Variants in SYNE1 observed in about 807,000 individuals in gnomAD.
SYNE1 encodes the protein nesprin-1.
SYNE1 carries 616 observed loss-of-function variants against 1,111.0 expected under a neutral mutation model. That is an observed-to-expected ratio of 0.55 (90% CI 0.52 to 0.59). The LOEUF is 0.59. SYNE1 is among the 20% of genes least tolerant of loss of function. The pLI, the probability that SYNE1 is intolerant of heterozygous loss-of-function variation, is 0.00. For synonymous variants in SYNE1, 3,855 were observed against 3,825.8 expected (o/e 1.01, Z -0.28); for missense variants, 10,006 against 10,417.0 (o/e 0.96, Z 1.72).
chr6:152,350,922 GATTT>G, intron 70 of SYNE1, 152 bp from the exon 71 acceptor site: 1 of 913,920 alleles, frequency 1.1e-6, no homozygotes. Context: ...AAGAGAGAGT[GATTT>G]ATTAAGACGA....
At chr6:152,171,868 T>C (rs1376839697) in intron 130 of SYNE1, among the ~76,000 whole-genome samples, 1 of 152,176 alleles carries the variant, frequency 6.6e-6, no homozygotes, top group Non-Finnish European at 1.5e-5. Flanking sequence ...CAACAGAGAC[T>C]ATTTGGCCCA....
intron 87 of SYNE1, among the ~76,000 whole-genome samples, chr6:152,311,734 G>A (rs1030607656): frequency 6.6e-6 from 1 of 152,092 alleles, no homozygotes; most frequent in Non-Finnish European, 1.5e-5. Context: ...TGTGTAAAGA[G>A]GAGAAATGAG....
At chr6:152,291,825 CT>C (rs1280863789) in intron 95 of SYNE1, among the ~76,000 whole-genome samples, 1 of 152,190 alleles carries the variant, frequency 6.6e-6, no homozygotes, top group Non-Finnish European at 1.5e-5. Context: ...ACATCGTCAT[CT>C]GATAATCTGA....
chr6:152,428,190 A>G lies in SYNE1; in HGVS notation c.4976+15T>C. 1.2e-6 allele frequency: 2 copies of G among 1,612,394 alleles called. No homozygotes were observed. Among genetic ancestry groups the G allele is most frequent in the South Asian group, 2.2e-5 (2 of 91,088 alleles). On this transcript the variant is annotated intron_variant, in intron 37 of 145. Coordinates refer to ENST00000367255, the MANE Select transcript of SYNE1 (RefSeq NM_182961.4). ...TATTTAGTAGTGCAGCAACTCAAGGAAAAGTGCTGCTCACCTCTGCCAGTG... is the reference window on the plus strand; with the variant it reads ...TATTTAGTAGTGCAGCAACTCAAGGGAAAGTGCTGCTCACCTCTGCCAGTG...
chr6:152,341,263 C>G (rs1004262277), intron 74 of SYNE1, among the ~76,000 whole-genome samples: 6 of 152,158 alleles, frequency 3.9e-5, no homozygotes, highest in African/African-American at 1.2e-4. Flanking sequence ...TTGTCTCAAA[C>G]AACTTTTGGA....
In SYNE1 at chr6:152,262,069, A is replaced by T; in HGVS notation, c.18935T>A (p.Leu6312Gln). The T allele has an allele frequency of 1.9e-6, 3 of 1,613,784 alleles. No individual in the cohort carries two copies. Among genetic ancestry groups the T allele is most frequent in the Non-Finnish European group, 2.5e-6 (3 of 1,179,926 alleles). ...TTCCTGTTCCAGAACATTCTGTAGT[A>T]GTTTCTGCTTGGTACTAAATTCTTG... ...LHQEFSTKQK[L>Q]LQNVLEQEQE... Residue 6312 changes from leucine (L) to glutamine (Q), a missense_variant, in exon 101 of 146, where the codon CTA becomes CAA. This residue lies in a region of SYNE1 where 2,182 missense variants were observed against 2,287.8 expected (regional missense o/e 0.95). Transcript: ENST00000367255.
rs2252748 is a variant in SYNE1 at position 152,148,196 on chromosome 6, C to T, written c.24825G>A (p.Pro8275=). The T allele has an allele frequency of 0.3, 476,193 of 1,613,768 alleles. 72,346 individuals carry two copies. The highest frequency in any genetic ancestry group is 0.45 in the Admixed American group (27,129 of 59,976). ...LRSERSGRDT[P]ASVDSIPLEW... ...CCAGGGGGATGGAGTCCACACTAGC[C>T]GGGGTGTCTCGTCCTGACCGCTCGC... Residue 8275 remains proline, a synonymous_variant, in exon 137 of 146, where the codon CCG becomes CCA. Coordinates refer to ENST00000367255, the MANE Select transcript of SYNE1 (RefSeq NM_182961.4). This position sits in a 1 kb window ranked among gnomAD's most constrained non-coding sequence, Gnocchi z 4.1.
intron 117 of SYNE1, among the ~76,000 whole-genome samples, chr6:152,223,181 C>T (rs901856358): frequency 8.5e-5 from 13 of 152,120 alleles, no homozygotes; most frequent in African/African-American, 2.7e-4. Context: ...CATTTCTAAC[C>T]TCCTCAAAGT....
chr6:152,314,916 A>AGCCTCGTC (rs1554424387), intron 87 of SYNE1, among the ~76,000 whole-genome samples: 1 of 132,792 alleles, frequency 7.5e-6, no homozygotes, highest in Non-Finnish European at 1.6e-5. Flanking sequence ...GGCTCACTGC[A>AGCCTCGTC]ATGATGACGA....
At chr6:152,391,204 C>T (rs2097617958) in intron 52 of SYNE1, 73 bp downstream of exon 52, 2 of 1,602,216 alleles carry the variant, frequency 1.2e-6, no homozygotes, top group Non-Finnish European at 1.7e-6. Context: ...AATTAGGACA[C>T]AACACAAGCA....
At chr6:152,332,601 A>G (rs1377878407) in intron 77 of SYNE1, among the ~76,000 whole-genome samples, 2 of 152,224 alleles carry the variant, frequency 1.3e-5, no homozygotes, top group Non-Finnish European at 2.9e-5. Context: ...AAAGAAATTA[A>G]TAAGTGATGC....
intron 101 of SYNE1, among the ~76,000 whole-genome samples, chr6:152,257,736 G>C (rs551032430): frequency 6.6e-6 from 1 of 151,906 alleles, no homozygotes; most frequent in East Asian, 1.9e-4. Flanking sequence ...AAAAAACAAA[G>C]ATCAGTACAA....
Position 152,430,554 on chromosome 6 carries a change from A to G in SYNE1, c.4617T>C (p.His1539=). Residue 1539 remains histidine, a synonymous_variant, in exon 35 of 146, where the codon CAT becomes CAC. Transcript: ENST00000367255. The stretch of plus-strand genomic sequence containing the variant: ...GGATTGTTCCTTCCAGACACTGTGC[A>G]TGCTCTCGAAGCTCTTCCCCGTATC... ...IRRYGEELRE[H]AQCLEGTILG... The G allele has an allele frequency of 1.9e-6, 3 of 1,614,140 alleles. No individual in the cohort carries two copies. The highest frequency in any genetic ancestry group is 2.5e-6 in the Non-Finnish European group (3 of 1,180,004).
intron 63 of SYNE1, 47 bp from the exon 64 acceptor site, chr6:152,362,370 G>C (rs754505133): frequency 1.2e-6 from 2 of 1,612,914 alleles, no homozygotes; most frequent in Non-Finnish European, 1.7e-6. Context: ...AGAATCCTTA[G>C]GAGTCTAAAA....
chr6:152,589,713 T>G (rs2099552618), intron 3 of SYNE1, among the ~76,000 whole-genome samples: 1 of 152,154 alleles, frequency 6.6e-6, no homozygotes, highest in East Asian at 1.9e-4. Flanking sequence ...GGCATAACCA[T>G]CTAGCATGGC....
At position 152,148,375 on chromosome 6, in the gene SYNE1, G is replaced by A; in HGVS notation, c.24646C>T (p.Pro8216Ser). The A allele has an allele frequency of 6.2e-7, 1 of 1,613,372 alleles. No homozygotes were observed. The highest frequency in any genetic ancestry group is 8.5e-7 in the Non-Finnish European group (1 of 1,179,826). Residue 8216 changes from proline (P) to serine (S), a missense_variant, in exon 137 of 146, where the codon CCA (proline) becomes TCA (serine). Around this residue, in one of 7 missense-constraint regions of SYNE1, gnomAD observed 761 missense variants for 795.5 expected, o/e 0.96. Transcript: ENST00000367255. The surrounding 1 kb of genome is among the most constrained non-coding windows in gnomAD (Gnocchi z 4.1). ...YHKKLIRLPL[P>S]DDEHDLSDRE... ...TCTGAGAGGTCGTGCTCATCGTCTGGGAGCTAGAAGGGAAGTCAAGGCAAC... is the reference window on the plus strand; with the variant it reads ...TCTGAGAGGTCGTGCTCATCGTCTGAGAGCTAGAAGGGAAGTCAAGGCAAC...
At chr6:152,134,980 T>C in intron 142 of SYNE1, 124 bp downstream of exon 142, 1 of 1,332,880 alleles carries the variant, frequency 7.5e-7, no homozygotes, top group Non-Finnish European at 1.1e-6. Context: ...AAGTGTAAAG[T>C]AGAGACTATA....
intron 2 of SYNE1, among the ~76,000 whole-genome samples, chr6:152,634,994 A>T (rs1052590011): frequency 6.6e-6 from 1 of 152,174 alleles, no homozygotes; most frequent in Non-Finnish European, 1.5e-5. Context: ...AATGCCACCA[A>T]CCTTGCCCAG....
rs758423743 is a variant in SYNE1 at position 152,326,026 on chromosome 6, A to G, written c.15370T>C (p.Leu5124=). The part of the protein sequence containing the change: ...IELMNDTEKK[L]SEFSLLKTSS... The stretch of plus-strand genomic sequence containing the variant: ...GTCTTCAACAAAGAAAACTCAGACA[A>G]TTTCTTTTCTGTATCATTCATCAAT... Residue 5124 remains leucine (L), a synonymous_variant, in exon 80 of 146, where the codon TTG becomes CTG. Transcript: ENST00000367255. 1.1e-5 allele frequency: 18 copies of G among 1,613,976 alleles called. No individual in the cohort carries two copies. The highest frequency in any genetic ancestry group is 1.5e-5 in the Non-Finnish European group (18 of 1,180,018).
Sources: allele counts gnomAD v4.1 joint callset (sites outside exome capture counted in the v4.1 genomes callset), GRCh38; gene constraint gnomAD v4.1.1; regional missense constraint gnomAD v4.1.1; non-coding constraint Gnocchi (gnomAD v3.1); transcripts MANE v1.5; gene names NCBI Gene and HGNC (gene_info 2026-07-23, HGNC 2026-07-21).